Variants in TRIM5 observed in about 807,000 individuals in gnomAD.
The protein encoded by TRIM5 is tripartite motif containing 5.
Under a neutral mutation model 35.6 loss-of-function variants are expected in TRIM5, and 31 were observed. That is an observed-to-expected ratio of 0.87 (90% CI 0.65 to 1.18). TRIM5 has a LOEUF of 1.18. TRIM5 is among the 50% of genes most tolerant of loss of function. The probability of loss-of-function intolerance (pLI) is 0.00; values close to 1 mark genes in which losing one functional copy is unlikely to be tolerated. For missense variants in TRIM5, 609 were observed against 591.6 expected (o/e 1.03, Z -0.31); for synonymous variants, 243 against 215.6 (o/e 1.13, Z -1.11).
the TRIM5 span, chr11:5,611,924 G>C: frequency 6.6e-6 from 1 of 152,098 alleles, no homozygotes; most frequent in Non-Finnish European, 1.5e-5. Context: ...ATCAAATTTA[G>C]GAAGTTCTGA....
the TRIM5 span, among the ~76,000 whole-genome samples, chr11:5,648,490 A>G: frequency 6.6e-6 from 1 of 152,142 alleles, no homozygotes; most frequent in Non-Finnish European, 1.5e-5. Context: ...TGGGCGACAG[A>G]GGGAGACTCC....
At chr11:5,621,530 A>G in the TRIM5 span, among the ~76,000 whole-genome samples, 1 of 152,242 alleles carries the variant, frequency 6.6e-6, no homozygotes, top group Non-Finnish European at 1.5e-5. Flanking sequence ...AGCACAGCTC[A>G]GCTGAGAGTG....
the TRIM5 span, among the ~76,000 whole-genome samples, chr11:5,622,373 A>G: frequency 1.3e-5 from 2 of 151,312 alleles, no homozygotes; most frequent in Admixed American, 6.6e-5. Context: ...TGAACCCGGC[A>G]GGCGGAGCTT....
chr11:5,643,426 T>G, the TRIM5 span: 1 of 1,614,214 alleles, frequency 6.2e-7, no homozygotes. Context: ...AGACCTCTAT[T>G]TGGCTACTGG....
the TRIM5 span, chr11:5,611,985 CTA>C: frequency 6.6e-6 from 1 of 152,080 alleles, no homozygotes; most frequent in African/African-American, 2.4e-5. Flanking sequence ...CGTATTCTAC[CTA>C]TGTCTTTTCT....
At chr11:5,610,561 G>C in the TRIM5 span, 2 of 1,613,128 alleles carry the variant, frequency 1.2e-6, no homozygotes, top group Admixed American at 3.3e-5. Context: ...AAGCTACTGG[G>C]GTAAGTAGAA....
chr11:5,632,729 C>T, the TRIM5 span: 35 of 1,605,660 alleles, frequency 2.2e-5, no homozygotes, highest in Admixed American at 8.4e-5. Context: ...ACAGTCCTCA[C>T]GGAGGAAGTA....
At chr11:5,610,501 TATTCAAC>T in the TRIM5 span, 19 of 1,613,960 alleles carry the variant, frequency 1.2e-5, 1 homozygote, top group Middle Eastern at 3.3e-4. Context: ...CAGTTGGTCC[TATTCAAC>T]ATTATTGACT....
At chr11:5,660,240 G>A (rs1850768816), downstream of TRIM5, among the ~76,000 whole-genome samples, 1 of 152,156 alleles carries the variant, frequency 6.6e-6, no homozygotes, top group Non-Finnish European at 1.5e-5. Context: ...CTCCCAAAGT[G>A]CTGGGATTAC....
At chr11:5,605,219 CCT>C in the TRIM5 span, 1 of 1,352,524 alleles carries the variant, frequency 7.4e-7, no homozygotes, top group Non-Finnish European at 1.0e-6. Context: ...ATTTACCCTC[CCT>C]CTCCCTGGGA....
chr11:5,651,807 TA>T, the TRIM5 span, among the ~76,000 whole-genome samples: 4 of 152,224 alleles, frequency 2.6e-5, no homozygotes, highest in Admixed American at 2.6e-4. Flanking sequence ...CAGCATCTAT[TA>T]TTTTTTTTAC....
the TRIM5 span, chr11:5,644,397 AAGTG>A: frequency 1.0e-5 from 4 of 396,020 alleles, no homozygotes; most frequent in Non-Finnish European, 1.8e-5. Context: ...GATTGCTAAA[AAGTG>A]TGAGCTGTAG....
chr11:5,682,087 G>A (rs762782821), intron 1 of TRIM5, among the ~76,000 whole-genome samples: 2 of 151,770 alleles, frequency 1.3e-5, no homozygotes, highest in Non-Finnish European at 2.9e-5. Flanking sequence ...GTGAGCCACC[G>A]TGCCCGGCTT....
chr11:5,596,531 C>T, the TRIM5 span: 1 of 24,610 alleles, frequency 4.1e-5, no homozygotes, highest in South Asian at 1.5e-3. Context: ...TCCCCCCTTC[C>T]CCCTTCCCCC....
At chr11:5,681,918 C>A (rs1231758821) in intron 1 of TRIM5, among the ~76,000 whole-genome samples, 8 of 139,494 alleles carry the variant, frequency 5.7e-5, no homozygotes, top group African/African-American at 8.8e-5. Flanking sequence ...TCTGCCCCAG[C>A]CTCCCGAGCA....
At chr11:5,624,313 A>C in the TRIM5 span, among the ~76,000 whole-genome samples, 1 of 152,312 alleles carries the variant, frequency 6.6e-6, no homozygotes, top group African/African-American at 2.4e-5. Context: ...GTTTTGAAAA[A>C]GTTTTACCCC....
chr11:5,682,351 T>C (rs1852544916), intron 1 of TRIM5, among the ~76,000 whole-genome samples: 1 of 152,048 alleles, frequency 6.6e-6, no homozygotes, highest in Admixed American at 6.5e-5. Context: ...AGCTCTGCTT[T>C]TGGGGGGCAG....
chr11:5,654,961 C>T, the TRIM5 span, among the ~76,000 whole-genome samples: 23 of 152,002 alleles, frequency 1.5e-4, no homozygotes, highest in African/African-American at 4.8e-4. Context: ...AAGGCTGAGG[C>T]GGGTGGATCA....
At chr11:5,667,651 A>G in intron 5 of TRIM5, 38 bp downstream of exon 5, 1 of 1,610,158 alleles carries the variant, frequency 6.2e-7, no homozygotes, top group Non-Finnish European at 8.5e-7. Flanking sequence ...ATCTCTCCTC[A>G]CTGCACAAAA....
Sources: gnomAD v4.1 joint callset for allele counts (sites outside exome capture counted in the v4.1 genomes callset) on GRCh38, gnomAD v4.1.1 for gene constraint, MANE v1.5 for transcripts, NCBI Gene and HGNC (gene_info 2026-07-23, HGNC 2026-07-21) for gene names.